The following AKAP8 variants were observed in gnomAD, a reference collection of about 807,000 sequenced individuals.
AKAP8 encodes the protein A-kinase anchoring protein 8.
A neutral mutation model predicts 67.5 loss-of-function variants in AKAP8; 24 were observed. That is an observed-to-expected ratio of 0.36 (90% CI 0.26 to 0.50). AKAP8 has a LOEUF of 0.50. Ranked by LOEUF, AKAP8 falls within the 20% of genes least tolerant of loss-of-function variation. The pLI is 0.97. For missense variants in AKAP8, 971 were observed against 955.9 expected, an observed-to-expected ratio of 1.02 and a Z score of -0.21; for synonymous variants, 400 against 371.1, an observed-to-expected ratio of 1.08 and a Z score of -0.90.
At chr19:15,373,632 G>A (rs1457900168) in intron 4 of AKAP8, 154 bp downstream of exon 4, 8 of 1,047,356 alleles carry the variant, frequency 7.6e-6, no homozygotes, top group African/African-American at 1.6e-5. Context: ...AAGTCCTACT[G>A]TAACATCACT....
chr19:15,368,280 T>C lies in AKAP8; in HGVS notation c.1115A>G (p.Glu372Gly). The C allele has an allele frequency of 6.2e-7, 1 of 1,613,672 alleles. No homozygotes were observed. Among genetic ancestry groups the C allele is most frequent in the Non-Finnish European group, 8.5e-7 (1 of 1,179,982 alleles). ...DEDEDVKKRREKQRRRDRTRD... is the reference protein window; with the variant it reads ...DEDEDVKKRRGKQRRRDRTRD... ...CGTCCTGTCTCTTCTCCTTTGCTTT[T>C]CCCTTCTCTTCTTCACATCCTCGTC... The change falls in exon 9 of 14, where the codon GAA (glutamate) becomes GGA (glycine). Residue 372 changes from glutamate to glycine, a missense_variant. Coordinates refer to ENST00000269701, the MANE Select transcript of AKAP8 (RefSeq NM_005858.4).
At chr19:15,365,000 G>A (rs1967046444) in intron 9 of AKAP8, among the ~76,000 whole-genome samples, 1 of 152,212 alleles carries the variant, frequency 6.6e-6, no homozygotes, top group African/African-American at 2.4e-5. Flanking sequence ...CCCAGCTGAA[G>A]AATGGGAACA....
At position 15,379,701 on chromosome 19, in the gene AKAP8, G is replaced by A. The variant is rs1967340822; in HGVS notation, c.19+12C>T. ...TTCCCTCCCCGCTCCGCACCCAGCA[G>A]CCAACACAAACCTCCGTAGCCCTGG... On this transcript the variant is annotated intron_variant, in intron 1 of 13. Transcript: ENST00000269701. The A allele has an allele frequency of 1.9e-6, 3 of 1,609,088 alleles. No homozygotes were observed. The highest frequency in any genetic ancestry group is 2.5e-6 in the Non-Finnish European group (3 of 1,178,226).
In AKAP8 at chr19:15,361,782, C is replaced by T. The variant is rs754160659; in HGVS notation, c.1343G>A (p.Arg448His). Reference protein sequence around the residue: ...VNRNKKIEKRRQELMEKETAK... With the variant: ...VNRNKKIEKRHQELMEKETAK... ...GGTTTCTTTCTCCATCAATTCCTGA[C>T]GCCGCTTCTCAATTTTCTTATTTCT... Residue 448 changes from arginine to histidine, a missense_variant, in exon 11 of 14, where the codon CGT (arginine) becomes CAT (histidine). This residue lies in a region of AKAP8 where 763 missense variants were observed against 745.4 expected (regional missense o/e 1.02). Coordinates refer to ENST00000269701, the MANE Select transcript of AKAP8 (RefSeq NM_005858.4). 21 of 1,613,978 alleles carry T rather than the reference C, an allele frequency of 1.3e-5. 1 individual carries two copies. Among genetic ancestry groups the T allele is most frequent in the South Asian group, 5.5e-5 (5 of 91,086 alleles).
At position 15,362,133 on chromosome 19, in the gene AKAP8, C is replaced by G. The variant is rs61757660; in HGVS notation, c.1279G>C (p.Asp427His). ...TLRFISTKLP[D>H]KTVEFLQEYI... is the part of the protein sequence containing the mutation. ...ACCTGGAGGAACTCCACGGTCTTGT[C>G]GGGCAGCTTGGTGCTTATGAACCGC... Residue 427 changes from aspartate to histidine, a missense_variant, in exon 10 of 14, where the codon GAC becomes CAC. This residue lies in a region of AKAP8 where 763 missense variants were observed against 745.4 expected (regional missense o/e 1.02). Coordinates refer to ENST00000269701, the MANE Select transcript of AKAP8 (RefSeq NM_005858.4). The G allele has an allele frequency of 6.2e-7, 1 of 1,614,016 alleles. No individual in the cohort carries two copies. Among genetic ancestry groups the G allele is most frequent in the South Asian group, 1.1e-5 (1 of 91,076 alleles).
chr19:15,361,127 C>CT, intron 11 of AKAP8, 149 bp from the exon 12 acceptor site: 1 of 1,005,732 alleles, frequency 9.9e-7, no homozygotes, highest in Non-Finnish European at 1.4e-6. Context: ...GTCAGCACAT[C>CT]GGCCTCTATA....
chr19:15,369,411 G>A lies in AKAP8; in HGVS notation c.1072+735C>T, dbSNP rs1457264341. 6.6e-6 allele frequency among the ~76,000 whole-genome samples: 1 copy of A among 152,226 alleles called. No individual in the cohort carries two copies. The highest frequency in any genetic ancestry group is 1.5e-5 in the Non-Finnish European group (1 of 68,046). On this transcript the variant is annotated intron_variant, in intron 8 of 13. Coordinates refer to ENST00000269701, the MANE Select transcript of AKAP8 (RefSeq NM_005858.4). This position sits in a 1 kb window ranked among gnomAD's most constrained non-coding sequence, Gnocchi z 4.6. ...TGGATGGGAGCAGGGCCACTGAGGAGCCAGCCTATGATCCTTGGGGTAACC... is the reference window on the plus strand; with the variant it reads ...TGGATGGGAGCAGGGCCACTGAGGAACCAGCCTATGATCCTTGGGGTAACC...
rs1477990727 is a variant in AKAP8, at chr19:15,372,972, A to C, written c.740T>G (p.Leu247Arg). ...GTCGGGAGCCATGGACTGGGAGAAG[A>C]GGGACGGAGGTGGCCGGCTGGGGGA... ...GPSPSRPPPS[L>R]FSQSMAPDYG... is the part of the protein sequence containing the mutation. The change falls in exon 5 of 14, where the codon CTC becomes CGC. Residue 247 changes from leucine to arginine, a missense_variant. Coordinates refer to ENST00000269701, the MANE Select transcript of AKAP8 (RefSeq NM_005858.4). 7 of 1,560,914 alleles carry C rather than the reference A, an allele frequency of 4.5e-6. No individual in the cohort carries two copies. The highest frequency in any genetic ancestry group is 6.1e-6 in the Non-Finnish European group (7 of 1,153,526).
At chr19:15,374,581 C>A in intron 3 of AKAP8, 22 bp downstream of exon 3, 1 of 1,590,516 alleles carries the variant, frequency 6.3e-7, no homozygotes, top group African/African-American at 1.4e-5. Flanking sequence ...CGCCCACAGA[C>A]CCCCCCCACA....
intron 2 of AKAP8, among the ~76,000 whole-genome samples, chr19:15,375,632 T>A (rs1967238669): frequency 9.0e-6 from 1 of 110,740 alleles, no homozygotes; most frequent in Admixed American, 1.2e-4. Flanking sequence ...CAATGCAAGA[T>A]TTTTTTTTTG....
Position 15,361,720 on chromosome 19 carries a change from A to C in AKAP8, c.1396+9T>G, listed in dbSNP as rs192732509. ...CCAGGAAAGCACTCATCCTGGGATG[A>C]CAACTCACCTTTGAAAGGATCTGGT... is the stretch of plus-strand genomic sequence containing the variant. On this transcript the variant is annotated intron_variant, in intron 11 of 13. Coordinates refer to ENST00000269701, the MANE Select transcript of AKAP8 (RefSeq NM_005858.4). 1 of 1,607,114 alleles carries C rather than the reference A, an allele frequency of 6.2e-7. No homozygotes were observed. Among genetic ancestry groups the C allele is most frequent in the Admixed American group, 1.7e-5 (1 of 60,000 alleles).
intron 13 of AKAP8, among the ~76,000 whole-genome samples, chr19:15,357,534 G>C (rs1005443764): frequency 6.6e-6 from 1 of 150,600 alleles, no homozygotes; most frequent in African/African-American, 2.4e-5. Context: ...CTTGAGCTCA[G>C]GAATTCGAGG....
chr19:15,376,784 T>G (rs1356193994), intron 2 of AKAP8, among the ~76,000 whole-genome samples, 192 bp downstream of exon 2: 2 of 152,304 alleles, frequency 1.3e-5, no homozygotes, highest in East Asian at 1.9e-4. Flanking sequence ...CTTTCACACA[T>G]TTATGACTGC....
chr19:15,378,941 G>A (rs2145091952), intron 1 of AKAP8: 2 of 153,576 alleles, frequency 1.3e-5, no homozygotes, highest in South Asian at 2.0e-4. Context: ...ACAACAGACT[G>A]CCTAAAGGAG....
chr19:15,379,674 C>G (rs57295859), intron 1 of AKAP8, 39 bp downstream of exon 1: 1 of 1,599,000 alleles, frequency 6.3e-7, no homozygotes, highest in Non-Finnish European at 8.5e-7. Context: ...CCGCACAGAG[C>G]CTTCCCTCCC....
chr19:15,366,888 C>T (rs1041560562), intron 9 of AKAP8, among the ~76,000 whole-genome samples: 1 of 151,262 alleles, frequency 6.6e-6, no homozygotes, highest in South Asian at 2.1e-4. Context: ...GGATTACAGG[C>T]GTGAGCCACT....
chr19:15,363,655 T>C (rs1276290226), intron 9 of AKAP8, among the ~76,000 whole-genome samples: 2 of 151,632 alleles, frequency 1.3e-5, no homozygotes, highest in Non-Finnish European at 2.9e-5. Context: ...GTCTGGGAGG[T>C]GTACCCAACA....
chr19:15,357,856 A>AT (rs1359552557), intron 13 of AKAP8, among the ~76,000 whole-genome samples: 2 of 150,906 alleles, frequency 1.3e-5, no homozygotes, highest in Admixed American at 1.3e-4. Flanking sequence ...TAATTTATGT[A>AT]TTTTTTGTAC....
chr19:15,378,956 G>A, intron 1 of AKAP8: 1 of 153,424 alleles, frequency 6.5e-6, no homozygotes, highest in Non-Finnish European at 1.5e-5. Flanking sequence ...AAGGAGAACT[G>A]CCAATGTCAC....
Sources: allele counts gnomAD v4.1 joint callset (sites outside exome capture counted in the v4.1 genomes callset), GRCh38; gene constraint gnomAD v4.1.1; regional missense constraint gnomAD v4.1.1; non-coding constraint Gnocchi (gnomAD v3.1); transcripts MANE v1.5; gene names NCBI Gene and HGNC (gene_info 2026-07-23, HGNC 2026-07-21).